Variants in CSMD1 observed in about 807,000 individuals in gnomAD.
The protein encoded by CSMD1 is CUB and sushi domain-containing protein 1.
Under a neutral mutation model 417.5 loss-of-function variants are expected in CSMD1, and 213 were observed. The ratio of observed to expected loss-of-function variants is 0.51; its 90% CI spans 0.46 to 0.57. The LOEUF (loss-of-function observed/expected upper bound fraction) is 0.57, where lower values mean the gene tolerates loss of function less well. Ranked by LOEUF, CSMD1 falls within the 20% of genes least tolerant of loss-of-function variation. CSMD1 has a pLI of 0.00. For synonymous variants in CSMD1, 2,862 were observed against 1,736.8 expected (o/e 1.65, Z -16.11); for missense variants, 6,923 against 4,529.7 (o/e 1.53, Z -15.17).
chr8:3,777,051 C>CTA (rs1462142218), intron 5 of CSMD1, among the ~76,000 whole-genome samples: 2 of 151,440 alleles, frequency 1.3e-5, no homozygotes, highest in African/African-American at 4.9e-5. Context: ...GGAAATCTGT[C>CTA]TATATCTGTT....
At chr8:3,017,641 G>C (rs1350190674) in intron 52 of CSMD1, among the ~76,000 whole-genome samples, 1 of 151,862 alleles carries the variant, frequency 6.6e-6, no homozygotes, top group East Asian at 1.9e-4. Context: ...TTTTCTCTAG[G>C]GTTACTACTG....
At chr8:4,134,424 G>A (rs752148762) in intron 3 of CSMD1, among the ~76,000 whole-genome samples, 6 of 152,174 alleles carry the variant, frequency 3.9e-5, no homozygotes, top group South Asian at 4.1e-4. Context: ...GACAGAGGGA[G>A]AAGACAGGTG....
rs980284248 is a variant in CSMD1, at chr8:4,005,214, C to A, written c.611-7104G>T. Among the ~76,000 whole-genome samples, 70 of 152,156 alleles carry A rather than the reference C, an allele frequency of 4.6e-4. 2 individuals carry two copies. Among genetic ancestry groups the A allele is most frequent in the Non-Finnish European group, 1.5e-5 (1 of 68,012 alleles). ...CATACTGCACAGGTGGTGGGTGCAC[C>A]ATCTCAGAAATCACCACTGAAGAAC... On this transcript the variant is annotated intron_variant, in intron 4 of 69. Coordinates refer to ENST00000635120, the MANE Select transcript of CSMD1 (RefSeq NM_033225.6).
intron 3 of CSMD1, among the ~76,000 whole-genome samples, chr8:4,377,569 T>A (rs1299348895): frequency 2.0e-5 from 3 of 152,178 alleles, no homozygotes; most frequent in Non-Finnish European, 4.4e-5. Flanking sequence ...GTGCTGGACT[T>A]TGCGAAGAAG....
chr8:3,510,947 A>G (rs1369284681), intron 10 of CSMD1, among the ~76,000 whole-genome samples: 2 of 151,836 alleles, frequency 1.3e-5, no homozygotes, highest in Non-Finnish European at 2.9e-5. Flanking sequence ...TTACTGCAGC[A>G]CTATTCACAA....
intron 6 of CSMD1, among the ~76,000 whole-genome samples, chr8:3,739,472 T>A (rs1206613841): frequency 6.6e-6 from 1 of 152,204 alleles, no homozygotes; most frequent in Non-Finnish European, 1.5e-5. Flanking sequence ...TCTGGTTTGA[T>A]CACTACACAT....
chr8:4,722,882 T>A (rs994675996), intron 1 of CSMD1, among the ~76,000 whole-genome samples: 1 of 152,120 alleles, frequency 6.6e-6, no homozygotes, highest in Non-Finnish European at 1.5e-5. Context: ...AGATTTCTCC[T>A]CTGTGAAATA....
chr8:4,235,591 T>C (rs1007868026), intron 3 of CSMD1, among the ~76,000 whole-genome samples: 4 of 152,186 alleles, frequency 2.6e-5, no homozygotes, highest in African/African-American at 9.7e-5. Flanking sequence ...ATCTAGTCTT[T>C]TCTCTCAGGG....
At chr8:3,460,111 T>A (rs1816402394) in intron 12 of CSMD1, among the ~76,000 whole-genome samples, 1 of 151,972 alleles carries the variant, frequency 6.6e-6, no homozygotes, top group Admixed American at 6.6e-5. Context: ...AAACAATTGT[T>A]GGGATGGAGG....
chr8:4,308,406 T>C (rs529355248), intron 3 of CSMD1, among the ~76,000 whole-genome samples: 6 of 149,634 alleles, frequency 4.0e-5, no homozygotes, highest in Non-Finnish European at 8.8e-5. Context: ...CGTGCATGTG[T>C]GTGTGTGTTA....
intron 5 of CSMD1, among the ~76,000 whole-genome samples, chr8:3,882,366 C>T (rs982428029): frequency 6.6e-6 from 1 of 152,164 alleles, no homozygotes; most frequent in Non-Finnish European, 1.5e-5. Context: ...ACTGCATCCC[C>T]ACTAGAATGG....
intron 45 of CSMD1, 126 bp from the exon 46 acceptor site, chr8:3,106,767 G>T (rs1178909142): frequency 7.5e-6 from 4 of 530,584 alleles, no homozygotes; most frequent in South Asian, 3.3e-5. Flanking sequence ...AACTATGTCT[G>T]TATTTATTTT....
chr8:4,338,661 G>T (rs187951952), intron 3 of CSMD1, among the ~76,000 whole-genome samples: 2 of 152,020 alleles, frequency 1.3e-5, no homozygotes, highest in Non-Finnish European at 2.9e-5. Flanking sequence ...GTGCTCACGG[G>T]TGAGTCAGAA....
At chr8:4,180,836 C>A (rs1258622453) in intron 3 of CSMD1, among the ~76,000 whole-genome samples, 1 of 152,056 alleles carries the variant, frequency 6.6e-6, no homozygotes, top group Non-Finnish European at 1.5e-5. Context: ...AAAATAACAA[C>A]AATTATGATA....
chr8:3,421,824 G>C (rs1257211419), intron 12 of CSMD1, among the ~76,000 whole-genome samples: 1 of 152,052 alleles, frequency 6.6e-6, no homozygotes. Flanking sequence ...TTTTCGTACA[G>C]ACAGGGTTTC....
intron 5 of CSMD1, among the ~76,000 whole-genome samples, chr8:3,912,858 G>A (rs572099830): frequency 6.6e-6 from 1 of 152,266 alleles, no homozygotes; most frequent in Non-Finnish European, 1.5e-5. Context: ...TCTGGAGGGG[G>A]CGTAGTAGTG....
chr8:3,752,692 A>AC (rs1254117722), intron 6 of CSMD1, among the ~76,000 whole-genome samples: 5 of 66,372 alleles, frequency 7.5e-5, no homozygotes, highest in Non-Finnish European at 1.1e-4. Context: ...AAAAAAAAAA[A>AC]AAAAAAAAAA....
At chr8:4,155,584 G>C (rs1369259144) in intron 3 of CSMD1, among the ~76,000 whole-genome samples, 1 of 152,144 alleles carries the variant, frequency 6.6e-6, no homozygotes, top group Non-Finnish European at 1.5e-5. Context: ...TTTAAATTGT[G>C]AGTCATTTTT....
intron 2 of CSMD1, among the ~76,000 whole-genome samples, chr8:4,459,313 C>G (rs915100706): frequency 1.3e-5 from 2 of 152,200 alleles, no homozygotes; most frequent in Non-Finnish European, 2.9e-5. Flanking sequence ...GGTGAAGGTT[C>G]TATGCCACCA....
Sources: gnomAD v4.1 joint callset for allele counts (sites outside exome capture counted in the v4.1 genomes callset) on GRCh38, gnomAD v4.1.1 for gene constraint, MANE v1.5 for transcripts, NCBI Gene and HGNC (gene_info 2026-07-23, HGNC 2026-07-21) for gene names.